The following CDKN2A variants were observed in gnomAD, a reference collection of about 807,000 sequenced individuals.
CDKN2A encodes cyclin dependent kinase inhibitor 2A.
A neutral mutation model predicts 11.1 loss-of-function variants in CDKN2A; 3 were observed. The ratio of observed to expected loss-of-function variants is 0.27; its 90% CI spans 0.12 to 0.70. The LOEUF (loss-of-function observed/expected upper bound fraction) is 0.70, where lower values mean the gene tolerates loss of function less well. CDKN2A is among the 30% of genes least tolerant of loss of function. The probability of loss-of-function intolerance (pLI) is 0.77; values close to 1 mark genes in which losing one functional copy is unlikely to be tolerated. For missense variants in CDKN2A, 265 were observed against 233.6 expected, an observed-to-expected ratio of 1.13 and a Z score of -0.88; for synonymous variants, 122 against 108.1, an observed-to-expected ratio of 1.13 and a Z score of -0.80.
In CDKN2A at chr9:21,994,239, C is replaced by T; in HGVS notation, c.-175-186G>A. The T allele has an allele frequency of 1.2e-6, 2 of 1,606,418 alleles. No individual in the cohort carries two copies. The highest frequency in any genetic ancestry group is 1.7e-6 in the Non-Finnish European group (2 of 1,179,190). ...GCGCCCCTGGCGCTGCCCACTCCCC[C>T]GTGAGCCGCGGGATGTGAACCACGA... On this transcript the variant is annotated intron_variant, in intron 1 of 3. Transcript: ENST00000494262.
At chr9:21,980,583 AGGCACTC>A (rs1374983388) in intron 2 of CDKN2A, among the ~76,000 whole-genome samples, 1 of 152,194 alleles carries the variant, frequency 6.6e-6, no homozygotes, top group Non-Finnish European at 1.5e-5. Flanking sequence ...AATATATGTC[AGGCACTC>A]GGCTTAAAGT....
At chr9:21,969,833 G>C in intron 2 of CDKN2A, 2 of 398,232 alleles carry the variant, frequency 5.0e-6, no homozygotes, top group Non-Finnish European at 8.8e-6. Flanking sequence ...GAGGGGCCGA[G>C]TAAAGAAGAA....
In CDKN2A at chr9:21,974,352, C is replaced by T. The variant is rs1452753738; in HGVS notation, c.150+326G>A. The T allele has an allele frequency of 6.8e-7, 1 of 1,467,400 alleles. No homozygotes were observed. The highest frequency in any genetic ancestry group is 1.2e-5 in the South Asian group (1 of 80,480). The allele number at this position is 1,467,400 out of a possible 1,614,324, so 90.9% of individuals were successfully genotyped here. On this transcript the variant is annotated intron_variant, in intron 1 of 2. Coordinates refer to ENST00000304494, the MANE Select transcript of CDKN2A (RefSeq NM_000077.5). The surrounding 1 kb of genome is among the most constrained non-coding windows in gnomAD (Gnocchi z 5.2). ...CAGCACATCTTACATTTCTTTAAGA[C>T]TCCCTTTTTATCCCAAACGTTCGTA...
chr9:21,980,609 T>A (rs1820148060), intron 2 of CDKN2A, among the ~76,000 whole-genome samples: 1 of 152,080 alleles, frequency 6.6e-6, no homozygotes, highest in Non-Finnish European at 1.5e-5. Context: ...GTTGTCAATA[T>A]TAATTAAGAA....
At position 21,974,519 on chromosome 9, in the gene CDKN2A, A is replaced by G. The variant is rs1373953224; in HGVS notation, c.150+159T>C. The G allele has an allele frequency of 1.2e-6, 2 of 1,613,052 alleles. No individual in the cohort carries two copies. The highest frequency in any genetic ancestry group is 1.7e-6 in the Non-Finnish European group (2 of 1,179,928). On this transcript the variant is annotated intron_variant, in intron 1 of 2. Transcript: ENST00000304494. This position sits in a 1 kb window ranked among gnomAD's most constrained non-coding sequence, Gnocchi z 5.2. ...CTTCCCAAGCCCCCAGGGCGTCGCC[A>G]GGAGGAGGTCTGTGATTACAAACCC...
upstream of CDKN2A, chr9:21,974,913 C>T (rs1423063531): frequency 2.1e-6 from 3 of 1,438,306 alleles, no homozygotes; most frequent in African/African-American, 1.5e-5. The surrounding 1 kb of genome is among the most constrained non-coding windows in gnomAD (Gnocchi z 5.2). Flanking sequence ...GGTGACCAGC[C>T]AGCCCCTCCT....
In CDKN2A at chr9:21,995,159, T is replaced by C. The variant is rs1820586759; in HGVS notation, c.-514A>G. 6.6e-6 allele frequency: 1 copy of C among 152,180 alleles called. No individual in the cohort carries two copies. The highest frequency in any genetic ancestry group is 1.5e-5 in the Non-Finnish European group (1 of 68,044). 9.4% of individuals were successfully genotyped at this position (152,180 alleles called of 1,614,324 possible). ...CTGTCGACCCGGCCTGGCGCCGGAC[T>C]AGGTAGGTGGAGTCGCACCCGGGGG... On this transcript the variant is annotated 5_prime_UTR_variant, in exon 1 of 4. Transcript: ENST00000494262. The surrounding 1 kb of genome is among the most constrained non-coding windows in gnomAD (Gnocchi z 5.7).
Position 21,968,734 on chromosome 9 carries a change from C to G in CDKN2A, c.458-492G>C, listed in dbSNP as rs527814073. 5.5e-5 allele frequency: 85 copies of G among 1,536,164 alleles called. No homozygotes were observed. The African/African-American group carries it at 8.3e-4, about 15-fold the overall frequency. On this transcript the variant is annotated intron_variant, in intron 2 of 2. Transcript: ENST00000304494. The surrounding 1 kb of genome is among the most constrained non-coding windows in gnomAD (Gnocchi z 4.7). ...GAATCCCGTAGCTTCCCTACGCATG[C>G]CTGCTTCTACAAACCCACAAATGGT... is the stretch of plus-strand genomic sequence containing the variant.
chr9:21,968,550 A>T lies in CDKN2A; in HGVS notation c.458-308T>A. 1 of 1,457,276 alleles carries T rather than the reference A, an allele frequency of 6.9e-7. No homozygotes were observed. Among genetic ancestry groups the T allele is most frequent in the Non-Finnish European group, 9.0e-7 (1 of 1,112,648 alleles). 90.3% of individuals were successfully genotyped at this position (1,457,276 alleles called of 1,614,324 possible). A position where few individuals can be genotyped will look rare whatever the true frequency, so the allele number is the denominator to read the frequency against. ...GTTGCAAGAAGAAAACGAGTGTTAT[A>T]TAATGAGTCTCAGTGGTTGCTCACA... On this transcript the variant is annotated intron_variant, in intron 2 of 2. Coordinates refer to ENST00000304494, the MANE Select transcript of CDKN2A (RefSeq NM_000077.5). The surrounding 1 kb of genome is among the most constrained non-coding windows in gnomAD (Gnocchi z 4.7).
At position 21,991,236 on chromosome 9, in the gene CDKN2A, C is replaced by G. The variant is rs1270219288; in HGVS notation, c.-4+2646G>C. ...TGTGGGCCCGAGGGTCACATGCAGCCCAGGATGGTTTTGAATGCTGCCCAA... is the reference window on the plus strand; with the variant it reads ...TGTGGGCCCGAGGGTCACATGCAGCGCAGGATGGTTTTGAATGCTGCCCAA... On this transcript the variant is annotated intron_variant, in intron 2 of 3. Transcript: ENST00000494262. The surrounding 1 kb of genome is among the most constrained non-coding windows in gnomAD (Gnocchi z 5.2). Among the ~76,000 whole-genome samples the G allele has an allele frequency of 6.6e-6, 1 of 151,832 alleles. No individual in the cohort carries two copies. Among genetic ancestry groups the G allele is most frequent in the Middle Eastern group, 3.2e-3 (1 of 316 alleles).
chr9:21,993,811 GTGTGTGT>G, intron 2 of CDKN2A: 1 of 396,670 alleles, frequency 2.5e-6, no homozygotes, highest in East Asian at 4.8e-5. Flanking sequence ...GTGTGTGTGT[GTGTGTGT>G]GTGTGTGTGT....
In CDKN2A at chr9:21,968,139, G is replaced by T. The variant is rs2131078731; in HGVS notation, c.*90C>A. ...AAATGAAAACTACGAAAGCGGGGTG[G>T]GTTGTGGCGGGGGCAGTTGTGGCCC... On this transcript the variant is annotated 3_prime_UTR_variant, in exon 3 of 3. Coordinates refer to ENST00000304494, the MANE Select transcript of CDKN2A (RefSeq NM_000077.5). This position sits in a 1 kb window ranked among gnomAD's most constrained non-coding sequence, Gnocchi z 4.7. 1 of 1,084,416 alleles carries T rather than the reference G, an allele frequency of 9.2e-7. No homozygotes were observed. 67.2% of individuals were successfully genotyped at this position (1,084,416 alleles called of 1,614,324 possible).
Position 21,991,982 on chromosome 9 carries a change from G to T in CDKN2A, c.-4+1900C>A, listed in dbSNP as rs1366684289. On this transcript the variant is annotated intron_variant, in intron 2 of 3. Transcript: ENST00000494262. This position sits in a 1 kb window ranked among gnomAD's most constrained non-coding sequence, Gnocchi z 5.2. ...ATATTTAACTTCATAATAAAAATAT[G>T]ACTATTTTGTAAATGCACCAAGGTA... is the stretch of plus-strand genomic sequence containing the variant. 1 of 982,584 alleles carries T rather than the reference G, an allele frequency of 1.0e-6. No homozygotes were observed. Among genetic ancestry groups the T allele is most frequent in the Non-Finnish European group, 1.2e-6 (1 of 827,502 alleles). 60.9% of individuals were successfully genotyped at this position (982,584 alleles called of 1,614,324 possible).
rs190416574 is a variant in CDKN2A, at chr9:21,993,742, G to T, written c.-4+140C>A. On this transcript the variant is annotated intron_variant, in intron 2 of 3. Coordinates refer to the CDKN2A transcript ENST00000494262. Reference sequence around the variant, plus strand: ...AGGCCGCCTCCAGAAAACTTAGATGGTTAGCAATAATTCTCCCCAAGGAGA... The same window carrying T: ...AGGCCGCCTCCAGAAAACTTAGATGTTTAGCAATAATTCTCCCCAAGGAGA... 15 of 210,548 alleles carry T rather than the reference G, an allele frequency of 7.1e-5. No homozygotes were observed. In the East Asian group the frequency reaches 1.6e-3, roughly 22 times the overall value. 13.0% of individuals were successfully genotyped at this position (210,548 alleles called of 1,614,324 possible). A position where few individuals can be genotyped will look rare whatever the true frequency, so the allele number is the denominator to read the frequency against.
chr9:21,986,212 A>C (rs1409025688), intron 2 of CDKN2A, among the ~76,000 whole-genome samples: 1 of 152,186 alleles, frequency 6.6e-6, no homozygotes, highest in East Asian at 1.9e-4. Flanking sequence ...GTAATCTTTC[A>C]ACTGCACGCT....
chr9:21,980,898 G>A (rs184759084), intron 2 of CDKN2A, among the ~76,000 whole-genome samples: 4,012 of 144,340 alleles, frequency 0.028, 187 homozygotes, highest in African/African-American at 0.079. Context: ...GGCGGAGCTT[G>A]CAGTGAGCCG....
At chr9:21,983,020 A>G (rs1030321449) in intron 2 of CDKN2A, among the ~76,000 whole-genome samples, 1 of 152,144 alleles carries the variant, frequency 6.6e-6, no homozygotes, top group Non-Finnish European at 1.5e-5. Flanking sequence ...CAACTCATCA[A>G]TGCTTCCTTT....
At position 21,968,366 on chromosome 9, in the gene CDKN2A, G is replaced by A; in HGVS notation, c.458-124C>T. On this transcript the variant is annotated intron_variant, in intron 2 of 2. Coordinates refer to ENST00000304494, the MANE Select transcript of CDKN2A (RefSeq NM_000077.5). The surrounding 1 kb of genome is among the most constrained non-coding windows in gnomAD (Gnocchi z 4.7). ...TACTTATGGATAAAGTTCTCGCAAT[G>A]GCTTCACGTGCATGTACCCGCCGCC... 6.7e-7 allele frequency: 1 copy of A among 1,497,730 alleles called. No homozygotes were observed. The highest frequency in any genetic ancestry group is 9.1e-7 in the Non-Finnish European group (1 of 1,097,010). 92.8% of individuals were successfully genotyped at this position (1,497,730 alleles called of 1,614,324 possible).
At chr9:21,981,746 C>T (rs1156968000) in intron 2 of CDKN2A, among the ~76,000 whole-genome samples, 4 of 151,902 alleles carry the variant, frequency 2.6e-5, no homozygotes, top group Non-Finnish European at 5.9e-5. Flanking sequence ...CTGAAGCTGC[C>T]CCGGATAAAA....
Sources: allele counts gnomAD v4.1 joint callset (sites outside exome capture counted in the v4.1 genomes callset), GRCh38; gene constraint gnomAD v4.1.1; non-coding constraint Gnocchi (gnomAD v3.1); transcripts MANE v1.5; gene names NCBI Gene and HGNC (gene_info 2026-07-23, HGNC 2026-07-21).